The following HERC1 variants were observed in gnomAD, a reference collection of about 807,000 sequenced individuals.
HERC1 encodes the protein probable E3 ubiquitin-protein ligase HERC1.
A neutral mutation model predicts 554.3 loss-of-function variants in HERC1; 160 were observed. The ratio of observed to expected loss-of-function variants is 0.29; its 90% CI spans 0.25 to 0.33. The LOEUF is 0.33. HERC1 is among the 10% of genes least tolerant of loss of function. HERC1 has a pLI of 1.00. For synonymous variants in HERC1, 2,175 were observed against 2,131.7 expected (o/e 1.02, Z -0.56); for missense variants, 4,919 against 5,918.5 (o/e 0.83, Z 5.54).
At chr15:63,663,647 C>T (rs1199505230) in intron 43 of HERC1, among the ~76,000 whole-genome samples, 1 of 152,128 alleles carries the variant, frequency 6.6e-6, no homozygotes, top group Admixed American at 6.6e-5. Context: ...TTTGTAAAGA[C>T]AGGGTCTTGC....
chr15:63,649,872 G>A lies in HERC1; in HGVS notation c.10600C>T (p.Pro3534Ser), dbSNP rs1016155797. 83 of 1,612,250 alleles carry A rather than the reference G, an allele frequency of 5.1e-5. No homozygotes were observed. The highest frequency in any genetic ancestry group is 6.8e-5 in the Non-Finnish European group (80 of 1,179,284). Residue 3534 changes from proline (P) to serine (S), a missense_variant, in exon 54 of 78, where the codon CCA becomes TCA. Around this residue, in one of 11 missense-constraint regions of HERC1, gnomAD observed 1,963 missense variants for 2,228.6 expected, o/e 0.88. Transcript: ENST00000443617. ...CAGGCTGTAGCCGGACCCTCTTCTG[G>A]CCAAGCCAGGGCAGATACCCAATGA... ...QPHWVSALAW[P>S]EEGPATAWSG...
In HERC1 at chr15:63,655,792, T is replaced by C. The variant is rs532065249; in HGVS notation, c.10034A>G (p.Lys3345Arg). Residue 3345 changes from lysine to arginine, a missense_variant, in exon 50 of 78, where the codon AAA (lysine) becomes AGA (arginine). This residue lies in a region of HERC1 where 1,963 missense variants were observed against 2,228.6 expected (regional missense o/e 0.88). Coordinates refer to ENST00000443617, the MANE Select transcript of HERC1 (RefSeq NM_003922.4). ...ATAGTTAGGTCTTAGTTTGGCCCCT[T>C]TGTCTGCTAGCAATGCCACAAGGGC... is the stretch of plus-strand genomic sequence containing the variant. ...TQALVALLAD[K>R]GAKLRPNYDK... The C allele has an allele frequency of 2.5e-6, 4 of 1,578,058 alleles. No individual in the cohort carries two copies. The highest frequency in any genetic ancestry group is 2.3e-5 in the East Asian group (1 of 43,550).
At chr15:63,712,929 A>T in intron 23 of HERC1, 34 bp from the exon 24 acceptor site, 1 of 1,588,798 alleles carries the variant, frequency 6.3e-7, no homozygotes, top group African/African-American at 1.3e-5. Flanking sequence ...AAGTTTTTTG[A>T]TTTAGGACTG....
rs75866427 is a variant in HERC1, at chr15:63,832,233, A to G, written c.-27+1594T>C. Among the ~76,000 whole-genome samples the G allele has an allele frequency of 7.3e-3, 1,116 of 152,154 alleles. 15 individuals are homozygous for G. The highest frequency in any genetic ancestry group is 0.026 in the African/African-American group (1,074 of 41,514). On this transcript the variant is annotated intron_variant, in intron 1 of 77. Coordinates refer to ENST00000443617, the MANE Select transcript of HERC1 (RefSeq NM_003922.4). ...ATAATATAGCAATACATCTTAACTC[A>G]CTTCCAAGATATATAAATGTGTATA...
intron 77 of HERC1, among the ~76,000 whole-genome samples, chr15:63,611,491 G>C (rs1004678302): frequency 2.0e-5 from 3 of 152,216 alleles, no homozygotes; most frequent in African/African-American, 7.2e-5. Context: ...CAGAGATGCA[G>C]CCCTGCCTGC....
intron 1 of HERC1, among the ~76,000 whole-genome samples, chr15:63,822,538 A>C (rs1486436376): frequency 6.6e-6 from 1 of 152,056 alleles, no homozygotes; most frequent in Non-Finnish European, 1.5e-5. Flanking sequence ...GTGAGCCGAG[A>C]TCATGCCACT....
At position 63,622,784 on chromosome 15, in the gene HERC1, A is replaced by G. The variant is rs377072857; in HGVS notation, c.13688+31T>C. The G allele has an allele frequency of 8.1e-6, 12 of 1,479,304 alleles. No individual in the cohort carries two copies. The African/African-American group carries it at 1.7e-4, about 21-fold the overall frequency. 91.6% of individuals were successfully genotyped at this position (1,479,304 alleles called of 1,614,324 possible). A position where few individuals can be genotyped will look rare whatever the true frequency, so the allele number is the denominator to read the frequency against. ...ATGTGAGCTATTATTATTATTTTAG[A>G]CATATAATGAACACTTGCTGACTGC... On this transcript the variant is annotated intron_variant, in intron 74 of 77. Coordinates refer to ENST00000443617, the MANE Select transcript of HERC1 (RefSeq NM_003922.4).
chr15:63,770,810 G>A (rs996696397), intron 2 of HERC1, among the ~76,000 whole-genome samples: 2 of 152,178 alleles, frequency 1.3e-5, no homozygotes, highest in Admixed American at 6.5e-5. Context: ...TTCAAGACGG[G>A]GAGGATCAGG....
rs556828941 is a variant in HERC1 at position 63,623,183 on chromosome 15, A to G, written c.13612-292T>C. 5.9e-5 allele frequency among the ~76,000 whole-genome samples: 9 copies of G among 152,354 alleles called. No individual in the cohort carries two copies. The East Asian group carries it at 1.7e-3, about 29-fold the overall frequency. On this transcript the variant is annotated intron_variant, in intron 73 of 77. Transcript: ENST00000443617. ...TAGTGATGTTCAAATCGAATCAGTA[A>G]TGATAGCCAACCATTATTTTAGTCA...
intron 12 of HERC1, among the ~76,000 whole-genome samples, chr15:63,736,612 CTTTTT>C (rs59109042): frequency 1.4e-5 from 2 of 145,402 alleles, no homozygotes; most frequent in African/African-American, 2.5e-5. Context: ...ATCACACTCT[CTTTTT>C]TTTTTTTTGA....
chr15:63,816,653 C>T (rs1240305987), intron 1 of HERC1, among the ~76,000 whole-genome samples: 1 of 152,014 alleles, frequency 6.6e-6, no homozygotes, highest in African/African-American at 2.4e-5. Flanking sequence ...TTCAACATTC[C>T]CAAATTATCA....
At chr15:63,649,323 A>G (rs1462088912) in intron 54 of HERC1, among the ~76,000 whole-genome samples, 1 of 152,192 alleles carries the variant, frequency 6.6e-6, no homozygotes, top group African/African-American at 2.4e-5. Flanking sequence ...ACTGCACTTC[A>G]GCCTGGTGAC....
chr15:63,829,902 A>G (rs1351783611), intron 1 of HERC1, among the ~76,000 whole-genome samples: 2 of 152,142 alleles, frequency 1.3e-5, no homozygotes, highest in East Asian at 3.8e-4. Flanking sequence ...ATTGGATTAT[A>G]ATCCATAGAA....
chr15:63,678,497 G>T, intron 36 of HERC1, 132 bp from the exon 37 acceptor site: 1 of 1,050,050 alleles, frequency 9.5e-7, no homozygotes, highest in Non-Finnish European at 1.3e-6. Flanking sequence ...TATACCAACT[G>T]GCCCCCAAAG....
At chr15:63,725,590 C>A in intron 17 of HERC1, 77 bp from the exon 18 acceptor site, 2 of 1,134,372 alleles carry the variant, frequency 1.8e-6, no homozygotes, top group East Asian at 2.4e-5. Flanking sequence ...AGTCTCCTAC[C>A]GTACTGCAAT....
At position 63,680,186 on chromosome 15, in the gene HERC1, AG is replaced by A. The variant is rs1456656212; in HGVS notation, c.6466-27del. The stretch of plus-strand genomic sequence containing the variant: ...CTACAGTGTGGCAGCAGTGAGGAAA[AG>A]AAAAAGGAAATAGAAATTTTTTTAA... On this transcript the variant is annotated intron_variant, in intron 35 of 77. Transcript: ENST00000443617. This position sits in a 1 kb window ranked among gnomAD's most constrained non-coding sequence, Gnocchi z 5.8. 2 of 1,568,998 alleles carry A rather than the reference AG, an allele frequency of 1.3e-6. No individual in the cohort carries two copies. Among genetic ancestry groups the A allele is most frequent in the Non-Finnish European group, 1.7e-6 (2 of 1,146,592 alleles).
At chr15:63,715,952 G>A (rs145469037) in intron 22 of HERC1, among the ~76,000 whole-genome samples, 5 of 152,236 alleles carry the variant, frequency 3.3e-5, no homozygotes, top group East Asian at 1.9e-4. Flanking sequence ...CTTCCTCACC[G>A]CTCAGACGTC....
chr15:63,753,125 A>G (rs774175642), intron 7 of HERC1, 40 bp from the exon 8 acceptor site: 53 of 1,490,026 alleles, frequency 3.6e-5, no homozygotes, highest in Middle Eastern at 1.8e-4. Context: ...CTTGTTTTAA[A>G]GAACCTCTAC....
At chr15:63,750,882 A>G (rs986601999) in intron 8 of HERC1, among the ~76,000 whole-genome samples, 8 of 152,206 alleles carry the variant, frequency 5.3e-5, no homozygotes, top group African/African-American at 1.7e-4. Flanking sequence ...GGCTGCAGTG[A>G]GCCATGTTTG....
Sources: allele counts gnomAD v4.1 joint callset (sites outside exome capture counted in the v4.1 genomes callset), GRCh38; gene constraint gnomAD v4.1.1; regional missense constraint gnomAD v4.1.1; non-coding constraint Gnocchi (gnomAD v3.1); transcripts MANE v1.5; gene names NCBI Gene and HGNC (gene_info 2026-07-23, HGNC 2026-07-21).